DCLRE1C: variants seen among roughly 807,000 people sequenced by gnomAD.
DCLRE1C encodes the protein DNA cross-link repair 1C, also known as protein artemis.
In DCLRE1C, 47 loss-of-function variants were observed where a neutral mutation model predicts 61.4. The observed-to-expected ratio is 0.77, with a 90% confidence interval of 0.61 to 0.98. The LOEUF is 0.98. DCLRE1C is among the 50% of genes least tolerant of loss of function. The probability of loss-of-function intolerance (pLI) is 0.00; values close to 1 mark genes in which losing one functional copy is unlikely to be tolerated. For missense variants in DCLRE1C, 858 were observed against 816.0 expected (o/e 1.05, Z -0.63); for synonymous variants, 337 against 287.6 (o/e 1.17, Z -1.74).
At position 14,923,002 on chromosome 10, in the gene DCLRE1C, G is replaced by A. The variant is rs553179231; in HGVS notation, c.1040C>T (p.Thr347Ile). 1 of 1,614,082 alleles carries A rather than the reference G, an allele frequency of 6.2e-7. No individual in the cohort carries two copies. Among genetic ancestry groups the A allele is most frequent in the Non-Finnish European group, 8.5e-7 (1 of 1,179,902 alleles). The change falls in exon 12 of 14, where the codon ACT becomes ATT. Residue 347 changes from threonine to isoleucine, a missense_variant. Thr to Ile is a moderately conservative substitution (Grantham distance 89). This residue lies in a region of DCLRE1C where 843 missense variants were observed against 783.5 expected (regional missense o/e 1.08). Coordinates refer to ENST00000378278, the MANE Select transcript of DCLRE1C (RefSeq NM_001033855.3). The part of the protein sequence containing the change: ...AYPNVIPVGT[T>I]MDKVVEILKP... The stretch of plus-strand genomic sequence containing the variant: ...TCACATTTCGACAACTTTATCCATA[G>A]TTGTGCCAACTGGAATGACATTTGG...
chr10:14,937,989 C>A lies in DCLRE1C; in HGVS notation c.307-1396G>T, dbSNP rs532566813. On this transcript the variant is annotated intron_variant, in intron 4 of 13. Coordinates refer to ENST00000378278, the MANE Select transcript of DCLRE1C (RefSeq NM_001033855.3). ...TACTGTTCGGCAAGGGCAAGACCTGCAGGCACTACTGCCTCTCCAGCCATC... is the reference window on the plus strand; with the variant it reads ...TACTGTTCGGCAAGGGCAAGACCTGAAGGCACTACTGCCTCTCCAGCCATC... Among the ~76,000 whole-genome samples, 547 of 152,032 alleles carry A rather than the reference C, an allele frequency of 3.6e-3. 1 individual carries two copies. The highest frequency in any genetic ancestry group is 0.012 in the African/African-American group (518 of 41,448).
At position 14,907,299 on chromosome 10, in the gene DCLRE1C, T is replaced by G. The variant is rs41300690; in HGVS notation, c.*1109A>C. On this transcript the variant is annotated 3_prime_UTR_variant, in exon 14 of 14. Transcript: ENST00000378278. ...ATAGCCATCAGTTTATCATACTAGA[T>G]CCAAGTTTGTCAATTTAAATCAGGT... Among the ~76,000 whole-genome samples, 387 of 150,578 alleles carry G rather than the reference T, an allele frequency of 2.6e-3. 1 individual carries two copies. The highest frequency in any genetic ancestry group is 9.1e-3 in the African/African-American group (370 of 40,840).
intron 3 of DCLRE1C, among the ~76,000 whole-genome samples, chr10:14,941,662 A>C (rs1257132328): frequency 6.6e-6 from 1 of 152,146 alleles, no homozygotes; most frequent in Non-Finnish European, 1.5e-5. Flanking sequence ...TATTGTATGC[A>C]TTTAGTTTCC....
chr10:14,951,912 G>A (rs568191867), intron 1 of DCLRE1C, among the ~76,000 whole-genome samples: 82 of 152,252 alleles, frequency 5.4e-4, no homozygotes, highest in African/African-American at 1.9e-3. Context: ...AGAAGCCTGT[G>A]TCCCAAAAAG....
At chr10:14,898,473 T>C (rs1318944241) in exon 14 of DCLRE1C, 1 of 152,130 alleles carries the variant, frequency 6.6e-6, no homozygotes, top group Non-Finnish European at 1.5e-5. Flanking sequence ...CCTATAATTA[T>C]CTGTATTCAT....
chr10:14,949,823 T>A (rs1159169342), intron 1 of DCLRE1C, among the ~76,000 whole-genome samples: 9 of 152,202 alleles, frequency 5.9e-5, no homozygotes, highest in Admixed American at 5.9e-4. Flanking sequence ...CGTAGGCGGA[T>A]CACCTGAGGT....
At chr10:14,923,198 G>C (rs575022300) in intron 11 of DCLRE1C, 129 bp from the exon 12 acceptor site, 2 of 737,860 alleles carry the variant, frequency 2.7e-6, no homozygotes, top group East Asian at 5.6e-5. Flanking sequence ...CTGGCTGCAC[G>C]TGGGGATCAC....
chr10:14,923,208 C>A (rs543831231), intron 11 of DCLRE1C, 139 bp from the exon 12 acceptor site: 263 of 689,614 alleles, frequency 3.8e-4, no homozygotes, highest in Non-Finnish European at 6.1e-4. Context: ...GTGGGGATCA[C>A]CAGGGACCTC....
Position 14,905,840 on chromosome 10 carries a change from C to G in DCLRE1C, c.*2568G>C, listed in dbSNP as rs1308595563. ...TCTCTACTAAAAATACAAAAATTAG[C>G]CAGGTGTGGCACACACCTGTAATCC... On this transcript the variant is annotated 3_prime_UTR_variant, in exon 14 of 14. Coordinates refer to ENST00000378278, the MANE Select transcript of DCLRE1C (RefSeq NM_001033855.3). Among the ~76,000 whole-genome samples the G allele has an allele frequency of 2.6e-5, 4 of 152,058 alleles. No individual in the cohort carries two copies. Among genetic ancestry groups the G allele is most frequent in the African/African-American group, 9.7e-5 (4 of 41,396 alleles).
chr10:14,948,894 A>G (rs764531689), intron 2 of DCLRE1C, 142 bp downstream of exon 2: 37 of 674,010 alleles, frequency 5.5e-5, no homozygotes, highest in Non-Finnish European at 9.8e-5. Context: ...GGTCTGGGAT[A>G]TTGGTACTGT....
chr10:14,953,984 G>T lies in DCLRE1C; in HGVS notation c.27C>A (p.Ala9=), dbSNP rs756715291. Residue 9 remains alanine (A), a synonymous_variant, in exon 1 of 14, where the codon GCC becomes GCA. Transcript: ENST00000378278. ...GGTCTATGGAGATAGTTGGATACTC[G>T]GCCATCTGCCCCTCGAAAGAACTCA... MSSFEGQM[A]EYPTISIDRF... The T allele has an allele frequency of 1.2e-6, 2 of 1,613,998 alleles. No homozygotes were observed. Among genetic ancestry groups the T allele is most frequent in the South Asian group, 2.2e-5 (2 of 91,084 alleles).
chr10:14,930,385 G>A (rs1838783904), intron 9 of DCLRE1C, among the ~76,000 whole-genome samples: 1 of 146,560 alleles, frequency 6.8e-6, no homozygotes, highest in African/African-American at 2.5e-5. Flanking sequence ...CACCTGCCTT[G>A]GCCTCCCAAA....
At chr10:14,950,688 G>A (rs1014839439) in intron 1 of DCLRE1C, among the ~76,000 whole-genome samples, 5 of 152,330 alleles carry the variant, frequency 3.3e-5, no homozygotes, top group South Asian at 2.1e-4. Flanking sequence ...TGGCAAAGAG[G>A]AGGCTGAATG....
chr10:14,944,564 A>G (rs1292840387), intron 3 of DCLRE1C, among the ~76,000 whole-genome samples: 1 of 152,110 alleles, frequency 6.6e-6, no homozygotes, highest in Non-Finnish European at 1.5e-5. Context: ...TAAGCAAACA[A>G]AACTGAGACC....
chr10:14,940,826 A>C (rs1321883548), intron 3 of DCLRE1C, among the ~76,000 whole-genome samples: 1 of 152,208 alleles, frequency 6.6e-6, no homozygotes, highest in Non-Finnish European at 1.5e-5. Flanking sequence ...TAACACTGCT[A>C]GATTCAGTTA....
At chr10:14,935,128 A>G (rs1298680932) in intron 6 of DCLRE1C, among the ~76,000 whole-genome samples, 1 of 151,412 alleles carries the variant, frequency 6.6e-6, no homozygotes, top group Non-Finnish European at 1.5e-5. Context: ...TGCTGGGATT[A>G]CACCCGGCCA....
At chr10:14,933,312 A>G (rs1167974648) in intron 8 of DCLRE1C, among the ~76,000 whole-genome samples, 1 of 152,252 alleles carries the variant, frequency 6.6e-6, no homozygotes, top group African/African-American at 2.4e-5. Context: ...GGAATAAAGC[A>G]GTAATCCACA....
rs761574174 is a variant in DCLRE1C, at chr10:14,936,503, A to T, written c.362+35T>A. 2.6e-5 allele frequency: 41 copies of T among 1,557,022 alleles called. No homozygotes were observed. The South Asian group carries it at 4.5e-4, about 17-fold the overall frequency. On this transcript the variant is annotated intron_variant, in intron 5 of 13. Coordinates refer to ENST00000378278, the MANE Select transcript of DCLRE1C (RefSeq NM_001033855.3). Reference sequence around the variant, plus strand: ...TTCTACAAATACAATATGTGTCTACATATAATAAAATGACAAAATAAATGA... The same window carrying T: ...TTCTACAAATACAATATGTGTCTACTTATAATAAAATGACAAAATAAATGA...
chr10:14,899,409 G>A (rs1372689894), intron 13 of DCLRE1C: 18 of 965,776 alleles, frequency 1.9e-5, no homozygotes, highest in Non-Finnish European at 2.5e-5. Context: ...TTGTGTGAAT[G>A]TTTGCTTTGA....
Sources: gnomAD v4.1 joint callset for allele counts (sites outside exome capture counted in the v4.1 genomes callset) on GRCh38, gnomAD v4.1.1 for gene constraint, gnomAD v4.1.1 regional missense constraint, MANE v1.5 for transcripts, NCBI Gene and HGNC (gene_info 2026-07-23, HGNC 2026-07-21) for gene names.